PSMA1: variants seen among roughly 807,000 people sequenced by gnomAD.
PSMA1 encodes proteasome subunit alpha type-1.
In PSMA1, 3 loss-of-function variants were observed where a neutral mutation model predicts 38.4. That is an observed-to-expected ratio of 0.08 (90% CI 0.04 to 0.20). The LOEUF (loss-of-function observed/expected upper bound fraction) is 0.20, where lower values mean the gene tolerates loss of function less well. Among genes scored for constraint, PSMA1 ranks in the 10% least tolerant of loss-of-function variants. The pLI, the probability that PSMA1 is intolerant of heterozygous loss-of-function variation, is 1.00. For missense variants in PSMA1, 227 were observed against 325.3 expected (o/e 0.70, Z 2.32); for synonymous variants, 101 against 107.1 (o/e 0.94, Z 0.35).
intron 2 of PSMA1, among the ~76,000 whole-genome samples, chr11:14,579,687 G>A (rs1852260695): frequency 6.6e-6 from 1 of 151,828 alleles, no homozygotes; most frequent in African/African-American, 2.4e-5. Context: ...TCCATGTCTA[G>A]ATCTCTATTC....
chr11:14,560,429 C>T (rs906295046), intron 2 of PSMA1, among the ~76,000 whole-genome samples: 1 of 152,178 alleles, frequency 6.6e-6, no homozygotes, highest in African/African-American at 2.4e-5. Context: ...TCAGCTCTGC[C>T]ATCCAGGTGG....
intron 8 of PSMA1, among the ~76,000 whole-genome samples, chr11:14,508,151 T>C (rs1253111456): frequency 1.3e-5 from 2 of 152,314 alleles, no homozygotes; most frequent in East Asian, 3.9e-4. Context: ...TAGGCCTTAG[T>C]GGTTCCTGGA....
intron 4 of PSMA1, among the ~76,000 whole-genome samples, chr11:14,514,820 G>C (rs573310673): frequency 1.3e-5 from 2 of 152,158 alleles, no homozygotes; most frequent in African/African-American, 4.8e-5. Context: ...CAAGCTTGTC[G>C]TAATTCTAGA....
In PSMA1 at chr11:14,509,320, C is replaced by T. The variant is rs2597219; in HGVS notation, c.624+1552G>A. On this transcript the variant is annotated intron_variant, in intron 8 of 9. Transcript: ENST00000396394. ...TCCCCCCTCACACCCTATAACAAAT[C>T]TATTAGCAAACTTTTTTGGCTGTAA... 8.6e-5 allele frequency among the ~76,000 whole-genome samples: 13 copies of T among 151,886 alleles called. No individual in the cohort carries two copies. In the South Asian group the frequency reaches 1.0e-3, roughly 12 times the overall value.
At chr11:14,584,253 G>C (rs1303159420) in intron 2 of PSMA1, among the ~76,000 whole-genome samples, 1 of 152,188 alleles carries the variant, frequency 6.6e-6, no homozygotes, top group Admixed American at 6.5e-5. Context: ...TAGATTTATG[G>C]AGGCAATGTG....
At chr11:14,594,023 G>T (rs1852454332) in intron 2 of PSMA1, among the ~76,000 whole-genome samples, 1 of 152,132 alleles carries the variant, frequency 6.6e-6, no homozygotes, top group Non-Finnish European at 1.5e-5. Context: ...TTCTAGGAAA[G>T]GTTTACCTCT....
chr11:14,530,256 A>C (rs1173308782), intron 2 of PSMA1, among the ~76,000 whole-genome samples: 1 of 152,172 alleles, frequency 6.6e-6, no homozygotes, highest in Non-Finnish European at 1.5e-5. Flanking sequence ...AAAAACTCTC[A>C]AAATCTTCTA....
In PSMA1 at chr11:14,520,354, G is replaced by A; in HGVS notation, c.-55C>T. ...CAGCAAAACTGAGAATCAAGGAGGT[G>A]CTGCCGAAAGTATCGCTCAGCGATC... On this transcript the variant is annotated 5_prime_UTR_variant, in exon 1 of 10. Transcript: ENST00000396394. The A allele has an allele frequency of 6.8e-6, 11 of 1,614,246 alleles. No homozygotes were observed. The highest frequency in any genetic ancestry group is 1.6e-4 in the Middle Eastern group (1 of 6,062).
chr11:14,588,955 C>A (rs1238707294), intron 2 of PSMA1, among the ~76,000 whole-genome samples: 3 of 152,168 alleles, frequency 2.0e-5, no homozygotes, highest in Non-Finnish European at 4.4e-5. Context: ...CTTATCCTTA[C>A]ATCTTCTGGC....
intron 7 of PSMA1, 90 bp from the exon 8 acceptor site, chr11:14,511,041 T>C (rs778849068): frequency 1.2e-5 from 10 of 840,602 alleles, no homozygotes; most frequent in Non-Finnish European, 1.8e-5. Flanking sequence ...AAATTGTGGT[T>C]TTTAGTTACA....
At chr11:14,523,191 T>G (rs539829825), upstream of PSMA1, among the ~76,000 whole-genome samples, 1 of 152,224 alleles carries the variant, frequency 6.6e-6, no homozygotes, top group Admixed American at 6.5e-5. Flanking sequence ...CAAGGGCTTA[T>G]TAAAGGTTTA....
chr11:14,576,364 T>TC (rs1251800684), intron 2 of PSMA1, among the ~76,000 whole-genome samples: 4 of 152,356 alleles, frequency 2.6e-5, no homozygotes, highest in Non-Finnish European at 5.9e-5. Flanking sequence ...CATGCCTATG[T>TC]CCTGAATGGT....
intron 1 of PSMA1, among the ~76,000 whole-genome samples, chr11:14,624,276 G>T (rs1312878639): frequency 1.3e-5 from 2 of 152,182 alleles, no homozygotes; most frequent in African/African-American, 4.8e-5. Context: ...CCTTTAGCTG[G>T]TCGTATGGGA....
At chr11:14,593,822 A>G (rs1363179471) in intron 2 of PSMA1, among the ~76,000 whole-genome samples, 1 of 152,112 alleles carries the variant, frequency 6.6e-6, no homozygotes, top group African/African-American at 2.4e-5. Flanking sequence ...GGTGTTGTTT[A>G]CTCAAAATTC....
intron 5 of PSMA1, chr11:14,514,155 T>A (rs920352936): frequency 2.2e-6 from 3 of 1,339,546 alleles, no homozygotes; most frequent in Admixed American, 3.7e-5. Flanking sequence ...TCTTGGGACA[T>A]CTAGAACCAT....
chr11:14,524,691 A>G (rs934323928), upstream of PSMA1, among the ~76,000 whole-genome samples: 4 of 152,218 alleles, frequency 2.6e-5, no homozygotes, highest in East Asian at 1.9e-4. Context: ...GACACGTAAG[A>G]CATTTGGTGC....
chr11:14,628,495 C>G (rs1465515372), intron 1 of PSMA1, among the ~76,000 whole-genome samples: 2 of 150,930 alleles, frequency 1.3e-5, no homozygotes, highest in Non-Finnish European at 2.9e-5. Context: ...AGGACATGAA[C>G]TCATCCTTTT....
At chr11:14,593,803 G>A (rs566678126) in intron 2 of PSMA1, among the ~76,000 whole-genome samples, 34 of 152,312 alleles carry the variant, frequency 2.2e-4, no homozygotes, top group Non-Finnish European at 4.6e-4. Context: ...CAGTGGGTGA[G>A]TAGACATTGG....
chr11:14,554,055 C>G (rs1851916749), intron 2 of PSMA1, among the ~76,000 whole-genome samples: 1 of 152,162 alleles, frequency 6.6e-6, no homozygotes, highest in Non-Finnish European at 1.5e-5. Context: ...TTCCTAATGG[C>G]TAATGACATT....
Sources: allele counts gnomAD v4.1 joint callset (sites outside exome capture counted in the v4.1 genomes callset), GRCh38; gene constraint gnomAD v4.1.1; transcripts MANE v1.5; gene names NCBI Gene and HGNC (gene_info 2026-07-23, HGNC 2026-07-21).